HMCN2: variants seen among roughly 807,000 people sequenced by gnomAD.
The protein encoded by HMCN2 is hemicentin-2.
In HMCN2, 325 loss-of-function variants were observed where a neutral mutation model predicts 377.5. The observed-to-expected ratio is 0.86, with a 90% CI of 0.79 to 0.94. The LOEUF (loss-of-function observed/expected upper bound fraction) is 0.94, where lower values mean the gene tolerates loss of function less well. Ranked by LOEUF, HMCN2 falls within the 40% of genes least tolerant of loss-of-function variation. HMCN2 has a pLI of 0.00. For missense variants in HMCN2, 4,543 were observed against 4,725.3 expected (o/e 0.96, Z 1.13); for synonymous variants, 2,007 against 2,046.8 (o/e 0.98, Z 0.53).
Position 130,411,889 on chromosome 9 carries a change from C to T in HMCN2, c.12961+1237C>T, listed in dbSNP as rs556944160. ...AAAAGTTCTGGAGATTGTACAATGT[C>T]AAATACTCAACACTACTGAAGTGTA... On this transcript the variant is annotated intron_variant, in intron 85 of 97. Transcript: ENST00000683500. Among the ~76,000 whole-genome samples the T allele has an allele frequency of 5.4e-3, 794 of 145,688 alleles. 6 individuals are homozygous for T. The highest frequency in any genetic ancestry group is 0.019 in the African/African-American group (764 of 39,910).
rs1171893563 is a variant in HMCN2, at chr9:130,348,652, G to C, written c.4132G>C (p.Val1378Leu). The C allele has an allele frequency of 7.7e-7, 1 of 1,304,124 alleles. No individual in the cohort carries two copies. Among genetic ancestry groups the C allele is most frequent in the Non-Finnish European group, 1.0e-6 (1 of 988,900 alleles). 80.8% of individuals were successfully genotyped at this position (1,304,124 alleles called of 1,614,324 possible). The change falls in exon 27 of 98, where the codon GTG becomes CTG. Residue 1378 changes from valine to leucine, a missense_variant. By Grantham distance (32) the Val-to-Leu change is conservative. Around this residue, in one of 5 missense-constraint regions of HMCN2, gnomAD observed 1,032 missense variants for 1,285.1 expected, o/e 0.80. Coordinates refer to ENST00000683500, the MANE Select transcript of HMCN2 (RefSeq NM_001291815.2). ...GAACGGCTTTCCAGTCCCTGAGATCGTGTGGCTGAAGGACGCGCAGCTGGT... is the reference window on the plus strand; with the variant it reads ...GAACGGCTTTCCAGTCCCTGAGATCCTGTGGCTGAAGGACGCGCAGCTGGT... ...DANGFPVPEIVWLKDAQLIPK... is the reference protein window; with the variant it reads ...DANGFPVPEILWLKDAQLIPK...
Position 130,369,781 on chromosome 9 carries a change from TG to T in HMCN2, c.7001del (p.Gly2334AspfsTer35). On this transcript the variant is annotated frameshift_variant, in exon 45 of 98. Transcript: ENST00000683500. LOFTEE classifies it high-confidence loss of function. This position sits in a 1 kb window ranked among gnomAD's most constrained non-coding sequence, Gnocchi z 4.5. ...TGGAGCGGGCCCAGGCTGCCCACAC[TG>T]GACGCTACAGCTGTGTGGCCGAGAA... ...HVERAQAAHT[G>X]RYSCVAENLA... is the part of the protein sequence containing the mutation. 1 of 985,880 alleles carries T rather than the reference TG, an allele frequency of 1.0e-6. No homozygotes were observed. The highest frequency in any genetic ancestry group is 1.2e-6 in the Non-Finnish European group (1 of 830,018). The allele number at this position is 985,880 out of a possible 1,614,324, so 61.1% of individuals were successfully genotyped here.
chr9:130,396,162 TC>T lies in HMCN2; in HGVS notation c.11054-3del. ...CCCAGCACCACTCCCTCTGTGCCCC[TC>T]CCCAGCGGTGCCCACCATCCGGTCA... On this transcript the variant is annotated splice_polypyrimidine_tract_variant and splice_region_variant and intron_variant, in intron 72 of 97. Transcript: ENST00000683500. The T allele has an allele frequency of 8.2e-7, 1 of 1,215,454 alleles. No individual in the cohort carries two copies. Among genetic ancestry groups the T allele is most frequent in the Admixed American group, 2.8e-5 (1 of 35,924 alleles). The allele number at this position is 1,215,454 out of a possible 1,614,324, so 75.3% of individuals were successfully genotyped here. A position where few individuals can be genotyped will look rare whatever the true frequency, so the allele number is the denominator to read the frequency against.
intron 2 of HMCN2, 53 bp downstream of exon 2, chr9:130,284,726 T>C (rs758673652): frequency 6.4e-6 from 3 of 470,440 alleles, no homozygotes; most frequent in Admixed American, 2.3e-5. Flanking sequence ...GTCCCACCAA[T>C]AGGGTTTGGG....
chr9:130,333,554 G>A (rs971100967), intron 22 of HMCN2, among the ~76,000 whole-genome samples: 7 of 152,294 alleles, frequency 4.6e-5, no homozygotes, highest in East Asian at 3.9e-4. Context: ...TCATCTGGGC[G>A]CTGCGTGGAG....
At position 130,395,078 on chromosome 9, in the gene HMCN2, A is replaced by G; in HGVS notation, c.10744A>G (p.Ile3582Val). 1 of 1,255,120 alleles carries G rather than the reference A, an allele frequency of 8.0e-7. No homozygotes were observed. The highest frequency in any genetic ancestry group is 1.0e-6 in the Non-Finnish European group (1 of 980,376). 77.7% of individuals were successfully genotyped at this position (1,255,120 alleles called of 1,614,324 possible). The stretch of plus-strand genomic sequence containing the variant: ...TCTGGCTGAAAGCCCTGCAGGTGCA[A>G]TTGAGAAGAGCTTCCGGGTCAGGGT... ...TCLAESPAGA[I>V]EKSFRVRVQA... Residue 3582 changes from isoleucine (I) to valine (V), a missense_variant, in exon 70 of 98, where the codon ATT (isoleucine) becomes GTT (valine). This residue lies in a region of HMCN2 where 1,073 missense variants were observed against 1,319.5 expected (regional missense o/e 0.81). Transcript: ENST00000683500.
At chr9:130,315,584 C>T (rs899969664) in intron 15 of HMCN2, among the ~76,000 whole-genome samples, 1 of 151,084 alleles carries the variant, frequency 6.6e-6, no homozygotes, top group Middle Eastern at 3.4e-3. Context: ...CTGAGCCTTT[C>T]CATCGCCTGG....
At chr9:130,365,515 G>A in intron 41 of HMCN2, 116 bp from the exon 42 acceptor site, 1 of 330,912 alleles carries the variant, frequency 3.0e-6, no homozygotes, top group Non-Finnish European at 4.3e-6. Context: ...CGTGCTCCAA[G>A]TGGGCAGCTT....
At position 130,405,013 on chromosome 9, in the gene HMCN2, A is replaced by C. The variant is rs1042239395; in HGVS notation, c.12293A>C (p.Lys4098Thr). 1.6e-6 allele frequency: 2 copies of C among 1,289,516 alleles called. No individual in the cohort carries two copies. Among genetic ancestry groups the C allele is most frequent in the East Asian group, 5.5e-5 (1 of 18,042 alleles). The allele number at this position is 1,289,516 out of a possible 1,614,324, so 79.9% of individuals were successfully genotyped here. ...DGQPVSGAEGKFTIQPSGELL... is the reference protein window; with the variant it reads ...DGQPVSGAEGTFTIQPSGELL... ...CAGCCTGTGTCGGGCGCCGAGGGGA[A>C]GTTCACCATCCAGCCTTCTGGGGAG... The change falls in exon 81 of 98, where the codon AAG (lysine) becomes ACG (threonine). Residue 4098 changes from lysine (K) to threonine (T), a missense_variant. Coordinates refer to ENST00000683500, the MANE Select transcript of HMCN2 (RefSeq NM_001291815.2).
In HMCN2 at chr9:130,429,660, G is replaced by A; in HGVS notation, c.14301G>A (p.Met4767Ile). 1 of 1,543,124 alleles carries A rather than the reference G, an allele frequency of 6.5e-7. No individual in the cohort carries two copies. The highest frequency in any genetic ancestry group is 8.8e-7 in the Non-Finnish European group (1 of 1,142,760). ...HRCSCPRGYRMQGPSLPCLDV... is the reference protein window; with the variant it reads ...HRCSCPRGYRIQGPSLPCLDV... ...GCAGCTGCCCCAGGGGTTACCGGAT[G>A]CAGGGCCCCAGCCTGCCCTGCCTAG... The change falls in exon 94 of 98, where the codon ATG (methionine) becomes ATA (isoleucine). Residue 4767 changes from methionine to isoleucine, a missense_variant. Physicochemically the swap from Met to Ile is conservative, Grantham distance 10. Around this residue, in one of 5 missense-constraint regions of HMCN2, gnomAD observed 1,155 missense variants for 1,157.7 expected, o/e 1.00. Transcript: ENST00000683500.
intron 85 of HMCN2, among the ~76,000 whole-genome samples, chr9:130,411,213 T>TAA (rs111952133): frequency 7.0e-6 from 1 of 142,242 alleles, no homozygotes. Flanking sequence ...TCTGCCTCTT[T>TAA]AAAAAAAAAA....
chr9:130,403,640 C>A, intron 79 of HMCN2, 101 bp from the exon 80 acceptor site: 4 of 1,161,170 alleles, frequency 3.4e-6, no homozygotes, highest in Non-Finnish European at 4.5e-6. Flanking sequence ...GTGACCCCAG[C>A]AAGTCATTTG....
rs539840197 is a variant in HMCN2 at position 130,306,135 on chromosome 9, C to T, written c.1823C>T (p.Pro608Leu). The change falls in exon 12 of 98, where the codon CCA becomes CTA. Residue 608 changes from proline to leucine, a missense_variant. Pro to Leu is a moderately conservative substitution (Grantham distance 98). Around this residue, in one of 5 missense-constraint regions of HMCN2, gnomAD observed 547 missense variants for 189.9 expected, o/e 2.88. Transcript: ENST00000683500. The stretch of plus-strand genomic sequence containing the variant: ...TCCACTTTTTGGGTCACAGAGGCCC[C>T]ACAGGTCAGCATCCACACCAGCTCC... ...ASVWLLVREA[P>L]QVSIHTSSQH... The T allele has an allele frequency of 8.3e-5, 39 of 471,102 alleles. No homozygotes were observed. Among genetic ancestry groups the T allele is most frequent in the South Asian group, 5.9e-4 (38 of 64,566 alleles). 29.2% of individuals were successfully genotyped at this position (471,102 alleles called of 1,614,324 possible).
Position 130,433,754 on chromosome 9 carries a change from CT to C in HMCN2, c.*63del. ...CCCCGAGGAAGGGGTCGAGGAGAAG[CT>C]TGGTCCACGCCACCTGCTGTGGCAA... On this transcript the variant is annotated 3_prime_UTR_variant, in exon 98 of 98. Transcript: ENST00000683500. 9 of 1,294,898 alleles carry C rather than the reference CT, an allele frequency of 7.0e-6. No individual in the cohort carries two copies. Among genetic ancestry groups the C allele is most frequent in the Non-Finnish European group, 9.2e-6 (9 of 983,010 alleles). The allele number at this position is 1,294,898 out of a possible 1,614,324, so 80.2% of individuals were successfully genotyped here. A position where few individuals can be genotyped will look rare whatever the true frequency, so the allele number is the denominator to read the frequency against.
chr9:130,431,533 A>C, intron 96 of HMCN2, 47 bp downstream of exon 96: 1 of 1,535,856 alleles, frequency 6.5e-7, no homozygotes, highest in Non-Finnish European at 8.8e-7. Flanking sequence ...GGGCTAGGGC[A>C]GGCAGCGTGG....
At chr9:130,314,415 T>G (rs975166278) in intron 15 of HMCN2, among the ~76,000 whole-genome samples, 2 of 152,228 alleles carry the variant, frequency 1.3e-5, no homozygotes, top group Non-Finnish European at 2.9e-5. Context: ...TAAAGACTAA[T>G]CCAGCCTGCA....
intron 52 of HMCN2, among the ~76,000 whole-genome samples, 180 bp downstream of exon 52, chr9:130,376,838 C>T (rs1037577433): frequency 5.3e-5 from 8 of 152,112 alleles, no homozygotes; most frequent in Non-Finnish European, 8.8e-5. Context: ...GCTCTGTCAC[C>T]AAGGCTGGAG....
At position 130,290,027 on chromosome 9, in the gene HMCN2, G is replaced by A. The variant is rs1021515635; in HGVS notation, c.612+3717G>A. Among the ~76,000 whole-genome samples the A allele has an allele frequency of 2.0e-5, 3 of 152,224 alleles. No homozygotes were observed. The East Asian group carries it at 5.8e-4, about 29-fold the overall frequency. On this transcript the variant is annotated intron_variant, in intron 4 of 97. Transcript: ENST00000683500. ...AGGGTCGAGCAGCAGCCATCTGGCTGGGGGAGCACTGCCAGATTTTTCGTT... is the reference window on the plus strand; with the variant it reads ...AGGGTCGAGCAGCAGCCATCTGGCTAGGGGAGCACTGCCAGATTTTTCGTT...
At chr9:130,287,525 T>C (rs1232069318) in intron 4 of HMCN2, among the ~76,000 whole-genome samples, 1 of 124,666 alleles carries the variant, frequency 8.0e-6, no homozygotes, top group African/African-American at 3.2e-5. Flanking sequence ...CACTCCAGCC[T>C]GGGCAACAAG....
Sources: gnomAD v4.1 joint callset for allele counts (sites outside exome capture counted in the v4.1 genomes callset) on GRCh38, gnomAD v4.1.1 for gene constraint, gnomAD v4.1.1 regional missense constraint, Gnocchi (gnomAD v3.1) non-coding constraint, MANE v1.5 for transcripts, NCBI Gene and HGNC (gene_info 2026-07-23, HGNC 2026-07-21) for gene names.